USP32: variants seen among roughly 807,000 people sequenced by gnomAD.
USP32 encodes the protein ubiquitin specific peptidase 32.
A neutral mutation model predicts 204.8 loss-of-function variants in USP32; 59 were observed. That is an observed-to-expected ratio of 0.29 (90% CI 0.23 to 0.36). USP32 has a LOEUF of 0.36. USP32 is among the 10% of genes least tolerant of loss of function. The probability of loss-of-function intolerance (pLI) is 1.00; values close to 1 mark genes in which losing one functional copy is unlikely to be tolerated. For synonymous variants in USP32, 517 were observed against 678.4 expected (o/e 0.76, Z 3.70); for missense variants, 1,160 against 1,946.4 (o/e 0.60, Z 7.60).
At position 60,299,226 on chromosome 17, in the gene USP32, C is replaced by T. The variant is rs188077966; in HGVS notation, c.292+2373G>A. On this transcript the variant is annotated intron_variant, in intron 3 of 33. Transcript: ENST00000300896. The stretch of plus-strand genomic sequence containing the variant: ...GCATATTATTGTATGACAATTATAC[C>T]TCAATAAAACTTTTCTTAAAAATGA... 5.9e-5 allele frequency among the ~76,000 whole-genome samples: 9 copies of T among 152,260 alleles called. No homozygotes were observed. In the East Asian group the frequency reaches 1.7e-3, roughly 29 times the overall value.
intron 7 of USP32, among the ~76,000 whole-genome samples, chr17:60,266,616 G>A (rs973790444): frequency 6.8e-5 from 10 of 146,110 alleles, no homozygotes; most frequent in African/African-American, 2.1e-4. Context: ...AGCCTCCCGA[G>A]TAGCTGGGAT....
Position 60,238,803 on chromosome 17 carries a change from C to CAAAT in USP32, c.1137-2564_1137-2563insATTT, listed in dbSNP as rs768533033. Among the ~76,000 whole-genome samples, 4 of 95,764 alleles carry CAAAT rather than the reference C, an allele frequency of 4.2e-5. No homozygotes were observed. In the East Asian group the frequency reaches 1.2e-3, roughly 28 times the overall value. 62.8% of individuals were successfully genotyped at this position (95,764 alleles called of 152,430 possible). On this transcript the variant is annotated intron_variant, in intron 11 of 33. Coordinates refer to ENST00000300896, the MANE Select transcript of USP32 (RefSeq NM_032582.4). Reference sequence around the variant, plus strand: ...TGGGCAACAGAGCGAGACTCCATCTCAAAAAAAAAAAAAAAAAAATTAGCT... The same window carrying CAAAT: ...TGGGCAACAGAGCGAGACTCCATCTCAAATAAAAAAAAAAAAAAAAAAATTAGCT...
chr17:60,228,495 C>CTTTT (rs796712684), intron 12 of USP32, among the ~76,000 whole-genome samples: 6 of 135,782 alleles, frequency 4.4e-5, no homozygotes, highest in Admixed American at 1.4e-4. Flanking sequence ...TTTCTTTTTT[C>CTTTT]TTTTTCTTTT....
At chr17:60,195,376 C>T (rs1166458708) in intron 27 of USP32, among the ~76,000 whole-genome samples, 2 of 152,150 alleles carry the variant, frequency 1.3e-5, no homozygotes, top group African/African-American at 4.8e-5. Context: ...CTTGCTCTGT[C>T]GCCCAGGCTG....
chr17:60,213,196 G>C (rs1294579221), intron 18 of USP32, among the ~76,000 whole-genome samples: 1 of 152,212 alleles, frequency 6.6e-6, no homozygotes, highest in Non-Finnish European at 1.5e-5. Context: ...AGTAGCCAAT[G>C]TTGGTGACTA....
At chr17:60,419,167 G>A (rs937313922) in intron 1 of USP32, among the ~76,000 whole-genome samples, 2 of 152,114 alleles carry the variant, frequency 1.3e-5, no homozygotes, top group Non-Finnish European at 2.9e-5. Flanking sequence ...TATCCATCAT[G>A]GAATACTATA....
chr17:60,362,631 C>T (rs964298087), intron 1 of USP32, among the ~76,000 whole-genome samples: 18 of 151,984 alleles, frequency 1.2e-4, no homozygotes, highest in African/African-American at 4.3e-4. Context: ...TAGTTTTTTT[C>T]GTTTCCATAA....
chr17:60,415,156 G>A (rs543496396), intron 1 of USP32, among the ~76,000 whole-genome samples: 2 of 152,262 alleles, frequency 1.3e-5, no homozygotes, highest in East Asian at 3.9e-4. Context: ...GCCTGTCTTG[G>A]AAGGTCCTGA....
At chr17:60,338,965 A>C (rs1015254134) in intron 2 of USP32, among the ~76,000 whole-genome samples, 1 of 152,088 alleles carries the variant, frequency 6.6e-6, no homozygotes, top group Non-Finnish European at 1.5e-5. Flanking sequence ...GCTGGAGAGC[A>C]GTGACGTGAT....
chr17:60,401,022 G>A (rs188132487), intron 1 of USP32, among the ~76,000 whole-genome samples: 1 of 152,268 alleles, frequency 6.6e-6, no homozygotes, highest in African/African-American at 2.4e-5. Context: ...CTGGCATGGT[G>A]GCATGTGCCT....
At chr17:60,356,930 A>ACACT (rs2089093365) in intron 1 of USP32, among the ~76,000 whole-genome samples, 1 of 152,232 alleles carries the variant, frequency 6.6e-6, no homozygotes. Flanking sequence ...AAGTATGAGA[A>ACACT]CACTGTCTCA....
chr17:60,237,454 A>G (rs2085762609), intron 11 of USP32, among the ~76,000 whole-genome samples: 1 of 152,128 alleles, frequency 6.6e-6, no homozygotes, highest in Admixed American at 6.6e-5. Flanking sequence ...ATGGCATAAT[A>G]TGAAATTATT....
intron 1 of USP32, among the ~76,000 whole-genome samples, chr17:60,419,479 G>GT (rs1468301369): frequency 6.6e-6 from 1 of 152,110 alleles, no homozygotes; most frequent in African/African-American, 2.4e-5. Flanking sequence ...GCTCATGCCT[G>GT]TAATCCCAGC....
chr17:60,180,225 C>T (rs865833546), intron 33 of USP32, among the ~76,000 whole-genome samples: 8 of 151,952 alleles, frequency 5.3e-5, no homozygotes, highest in African/African-American at 1.9e-4. Flanking sequence ...GGGGTTTCAC[C>T]ATGTTGGCCA....
rs371512688 is a variant in USP32, at chr17:60,275,257, G to A, written c.572-3776C>T. ...GGATCACCTGAGGTCAGGAGTACAA[G>A]ACCAGCCTAGGAAACATGGTGAAAC... On this transcript the variant is annotated intron_variant, in intron 5 of 33. Coordinates refer to ENST00000300896, the MANE Select transcript of USP32 (RefSeq NM_032582.4). 4.6e-5 allele frequency among the ~76,000 whole-genome samples: 7 copies of A among 152,298 alleles called. No individual in the cohort carries two copies. In the South Asian group the frequency reaches 1.4e-3, roughly 32 times the overall value.
intron 7 of USP32, among the ~76,000 whole-genome samples, chr17:60,267,243 T>C (rs976746795): frequency 1.3e-5 from 2 of 151,872 alleles, no homozygotes; most frequent in African/African-American, 4.8e-5. Flanking sequence ...CCGTCGCTAC[T>C]AAAAATACAA....
chr17:60,230,671 C>T (rs1381929668), intron 12 of USP32, among the ~76,000 whole-genome samples: 1 of 152,204 alleles, frequency 6.6e-6, no homozygotes, highest in Non-Finnish European at 1.5e-5. Flanking sequence ...GAACCTGATG[C>T]TCTCACTGTT....
intron 1 of USP32, among the ~76,000 whole-genome samples, chr17:60,375,890 G>C (rs1313184644): frequency 3.3e-5 from 5 of 152,174 alleles, no homozygotes; most frequent in Admixed American, 2.6e-4. Flanking sequence ...TTACAGGGGT[G>C]AGCCACTATG....
chr17:60,381,060 G>A (rs1281008241), intron 1 of USP32, among the ~76,000 whole-genome samples: 1 of 152,182 alleles, frequency 6.6e-6, no homozygotes, highest in Non-Finnish European at 1.5e-5. Flanking sequence ...CAATTTACCA[G>A]ATTACTGCTG....
Sources: gnomAD v4.1 joint callset for allele counts (sites outside exome capture counted in the v4.1 genomes callset) on GRCh38, gnomAD v4.1.1 for gene constraint, MANE v1.5 for transcripts, NCBI Gene and HGNC (gene_info 2026-07-23, HGNC 2026-07-21) for gene names.